Variants in DLG2 observed in about 807,000 individuals in gnomAD.
DLG2 encodes discs large MAGUK scaffold protein 2.
A neutral mutation model predicts 132.5 loss-of-function variants in DLG2; 45 were observed. The observed-to-expected ratio is 0.34, with a 90% CI of 0.27 to 0.44. The LOEUF (loss-of-function observed/expected upper bound fraction) is 0.44. Ranked by LOEUF, DLG2 falls within the 20% of genes least tolerant of loss-of-function variation. The probability of loss-of-function intolerance (pLI) is 1.00; values close to 1 mark genes in which losing one functional copy is unlikely to be tolerated. For missense variants in DLG2, 1,045 were observed against 1,196.9 expected, an observed-to-expected ratio of 0.87 and a Z score of 1.87; for synonymous variants, 424 against 419.6, an observed-to-expected ratio of 1.01 and a Z score of -0.13.
Position 85,603,026 on chromosome 11 carries a change from C to T in DLG2, c.-92-4238G>A, listed in dbSNP as rs958176709. On this transcript the variant is annotated intron_variant, in intron 2 of 27. Coordinates refer to ENST00000376104, the MANE Select transcript of DLG2 (RefSeq NM_001142699.3). ...CAATAAGAGATGGAGGAGGACATTG[C>T]GTAACTACTCCTCTTCTATCTAGTA... is the stretch of plus-strand genomic sequence containing the variant. Among the ~76,000 whole-genome samples, 57 of 152,054 alleles carry T rather than the reference C, an allele frequency of 3.7e-4. 1 individual carries two copies. In the Middle Eastern group the frequency reaches 0.01, roughly 27 times the overall value.
chr11:84,648,710 G>T (rs749435888), intron 6 of DLG2, among the ~76,000 whole-genome samples: 1 of 151,546 alleles, frequency 6.6e-6, no homozygotes, highest in Non-Finnish European at 1.5e-5. Flanking sequence ...CTCAACCCCC[G>T]CCCTGTCTCG....
At chr11:84,847,192 G>A (rs2081579246) in intron 6 of DLG2, among the ~76,000 whole-genome samples, 1 of 152,118 alleles carries the variant, frequency 6.6e-6, no homozygotes, top group African/African-American at 2.4e-5. Context: ...TATAGCATTG[G>A]CTTTGGAACC....
At chr11:84,426,838 T>A (rs964825745) in intron 7 of DLG2, among the ~76,000 whole-genome samples, 2 of 152,154 alleles carry the variant, frequency 1.3e-5, no homozygotes, top group Admixed American at 1.3e-4. Context: ...AAACAGGGAA[T>A]CCCTCTCTTA....
At chr11:83,691,016 C>T (rs2080896998) in intron 18 of DLG2, among the ~76,000 whole-genome samples, 1 of 152,118 alleles carries the variant, frequency 6.6e-6, no homozygotes, top group African/African-American at 2.4e-5. Flanking sequence ...TGGCCCTTGA[C>T]AAAACAAGTT....
At chr11:83,584,268 T>C (rs492607) in intron 19 of DLG2, among the ~76,000 whole-genome samples, 47,573 of 152,076 alleles carry the variant, frequency 0.31, 8,582 homozygotes, top group East Asian at 0.5. Flanking sequence ...AAGCATGTAG[T>C]AGTGTTTAAA....
chr11:85,459,339 C>G (rs1027820470), intron 3 of DLG2, among the ~76,000 whole-genome samples: 3 of 152,078 alleles, frequency 2.0e-5, no homozygotes, highest in Non-Finnish European at 4.4e-5. Context: ...TTCGAGTGCT[C>G]ACAGGGATGA....
At chr11:83,829,909 A>G (rs989092388) in intron 17 of DLG2, among the ~76,000 whole-genome samples, 2 of 151,956 alleles carry the variant, frequency 1.3e-5, no homozygotes, top group Admixed American at 6.6e-5. Context: ...GCCCCACCAT[A>G]CGACAGGCCC....
At chr11:83,651,537 G>A (rs1480487516) in intron 18 of DLG2, 1 of 171,210 alleles carries the variant, frequency 5.8e-6, no homozygotes, top group Non-Finnish European at 1.3e-5. Flanking sequence ...GACCTTCTGA[G>A]TTAATTTAGG....
At chr11:83,755,408 T>C (rs1024353113) in intron 18 of DLG2, among the ~76,000 whole-genome samples, 1 of 151,282 alleles carries the variant, frequency 6.6e-6, no homozygotes, top group Non-Finnish European at 1.5e-5. Flanking sequence ...CATTTCAATG[T>C]AATAGTCTCA....
chr11:85,039,220 C>A (rs1280705399), intron 6 of DLG2, among the ~76,000 whole-genome samples: 1 of 126,152 alleles, frequency 7.9e-6, no homozygotes, highest in Non-Finnish European at 1.7e-5. Flanking sequence ...TGTAATTGGT[C>A]CTACTCCCCC....
At chr11:84,412,821 T>C (rs544356915) in intron 7 of DLG2, among the ~76,000 whole-genome samples, 1 of 152,300 alleles carries the variant, frequency 6.6e-6, no homozygotes, top group Non-Finnish European at 1.5e-5. Context: ...TGGCCTCTGT[T>C]CTGAGGACTG....
At chr11:84,556,412 T>C (rs1451991139) in intron 6 of DLG2, among the ~76,000 whole-genome samples, 2 of 152,194 alleles carry the variant, frequency 1.3e-5, no homozygotes, top group Non-Finnish European at 2.9e-5. Context: ...GCAACAACCC[T>C]AAATGGTTAG....
intron 14 of DLG2, among the ~76,000 whole-genome samples, chr11:83,936,193 T>A (rs958369503): frequency 6.6e-6 from 1 of 152,152 alleles, no homozygotes; most frequent in African/African-American, 2.4e-5. Context: ...TACAAGAGGG[T>A]TGAACCAAGG....
At chr11:85,567,698 T>C (rs2077604115) in intron 3 of DLG2, among the ~76,000 whole-genome samples, 1 of 152,142 alleles carries the variant, frequency 6.6e-6, no homozygotes, top group South Asian at 2.1e-4. Flanking sequence ...CCTCATCTTA[T>C]TATCAGTCTT....
At chr11:85,062,756 C>T (rs1301431511) in intron 6 of DLG2, among the ~76,000 whole-genome samples, 2 of 151,594 alleles carry the variant, frequency 1.3e-5, no homozygotes, top group African/African-American at 4.8e-5. Context: ...AGATCTGAAA[C>T]TAAAATGGGC....
intron 9 of DLG2, among the ~76,000 whole-genome samples, chr11:84,145,142 A>G (rs1011266739): frequency 2.6e-5 from 4 of 152,194 alleles, no homozygotes; most frequent in African/African-American, 9.6e-5. Context: ...TAGAACATTC[A>G]ACTTGGGGAT....
intron 3 of DLG2, among the ~76,000 whole-genome samples, chr11:85,554,499 C>T (rs767934433): frequency 1.3e-5 from 2 of 151,838 alleles, no homozygotes; most frequent in Non-Finnish European, 2.9e-5. Flanking sequence ...ACATCACAAG[C>T]TGGCTGTCCT....
intron 6 of DLG2, among the ~76,000 whole-genome samples, chr11:85,103,945 A>G (rs2071286071): frequency 6.6e-6 from 1 of 151,900 alleles, no homozygotes; most frequent in Non-Finnish European, 1.5e-5. Flanking sequence ...AAACGGTAAT[A>G]AGTACATGAA....
chr11:83,881,632 C>A (rs755570491), intron 15 of DLG2, among the ~76,000 whole-genome samples: 3 of 152,198 alleles, frequency 2.0e-5, no homozygotes, highest in Non-Finnish European at 4.4e-5. Context: ...CTGTTGAGCT[C>A]TCTTAAGCAG....
Sources: gnomAD v4.1 joint callset for allele counts (sites outside exome capture counted in the v4.1 genomes callset) on GRCh38, gnomAD v4.1.1 for gene constraint, MANE v1.5 for transcripts, NCBI Gene and HGNC (gene_info 2026-07-23, HGNC 2026-07-21) for gene names.